CFAP53: variants seen among roughly 807,000 people sequenced by gnomAD.
CFAP53 encodes the protein cilia- and flagella-associated protein 53.
A neutral mutation model predicts 59.7 loss-of-function variants in CFAP53; 62 were observed. That is an observed-to-expected ratio of 1.04 (90% CI 0.85 to 1.28). The LOEUF is 1.28. Ranked by LOEUF, CFAP53 falls within the 50% of genes most tolerant of loss-of-function variation. CFAP53 has a pLI of 0.00. For synonymous variants in CFAP53, 218 were observed against 205.7 expected (o/e 1.06, Z -0.51); for missense variants, 629 against 615.6 (o/e 1.02, Z -0.23).
At chr18:50,230,804 GA>G (rs1482926884) in intron 7 of CFAP53, among the ~76,000 whole-genome samples, 2 of 152,162 alleles carry the variant, frequency 1.3e-5, no homozygotes, top group African/African-American at 4.8e-5. Flanking sequence ...GTTGGGGTCA[GA>G]AAACACTCCA....
chr18:50,252,447 A>G (rs2033810384), intron 3 of CFAP53, among the ~76,000 whole-genome samples: 1 of 152,034 alleles, frequency 6.6e-6, no homozygotes, highest in South Asian at 2.1e-4. Context: ...TCTGTCGCTC[A>G]GGCTGGAATG....
chr18:50,251,867 A>G, intron 3 of CFAP53, 83 bp from the exon 4 acceptor site: 3 of 1,226,276 alleles, frequency 2.4e-6, no homozygotes, highest in Non-Finnish European at 3.4e-6. Flanking sequence ...ACAATCACAC[A>G]ATGAAGCAAG....
rs1374594438 is a variant in CFAP53 at position 50,227,203 on chromosome 18, T to TA, written c.*177dup. ...AGATTAAGTAGATCATTTGGATTTGTAAGTCTGTGAACTCCAAAATAGGCA... is the reference window on the plus strand; with the variant it reads ...AGATTAAGTAGATCATTTGGATTTGTAAAGTCTGTGAACTCCAAAATAGGCA... On this transcript the variant is annotated 3_prime_UTR_variant, in exon 8 of 8. Coordinates refer to ENST00000398545, the MANE Select transcript of CFAP53 (RefSeq NM_145020.5). The TA allele has an allele frequency of 1.2e-5, 7 of 573,590 alleles. No individual in the cohort carries two copies. The highest frequency in any genetic ancestry group is 2.1e-5 in the Non-Finnish European group (7 of 325,790). 35.5% of individuals were successfully genotyped at this position (573,590 alleles called of 1,614,324 possible).
chr18:50,227,546 C>T lies in CFAP53; in HGVS notation c.1380G>A (p.Gln460=), dbSNP rs1222501403. Residue 460 remains glutamine (Q), a synonymous_variant, in exon 8 of 8, where the codon CAG becomes CAA. Transcript: ENST00000398545. ...QLQMQIAYQQ[Q]SQEAEKEEKR... is the part of the protein sequence containing the mutation. The stretch of plus-strand genomic sequence containing the variant: ...TCTCTTCCTTCTCTGCTTCTTGGGA[C>T]TGCTGCTGGTAGGCGATTTGCATCT... The T allele has an allele frequency of 6.2e-7, 1 of 1,614,052 alleles. No individual in the cohort carries two copies. The highest frequency in any genetic ancestry group is 2.2e-5 in the East Asian group (1 of 44,900).
At chr18:50,232,412 A>T (rs2033591910) in intron 7 of CFAP53, among the ~76,000 whole-genome samples, 1 of 152,238 alleles carries the variant, frequency 6.6e-6, no homozygotes, top group East Asian at 1.9e-4. Flanking sequence ...GAGGCAAGAG[A>T]CAGGCTCAAC....
intron 7 of CFAP53, among the ~76,000 whole-genome samples, chr18:50,235,266 T>C (rs1599114308): frequency 6.6e-6 from 1 of 152,192 alleles, no homozygotes; most frequent in African/African-American, 2.4e-5. Flanking sequence ...TTCTCCCATC[T>C]ATAATAAAGC....
intron 3 of CFAP53, 29 bp from the exon 4 acceptor site, chr18:50,251,813 C>A: frequency 6.3e-7 from 1 of 1,595,786 alleles, no homozygotes; most frequent in Non-Finnish European, 8.6e-7. Context: ...AAAGACAAAA[C>A]CCAGCCTTTC....
At chr18:50,230,679 C>T (rs1047013701) in intron 7 of CFAP53, among the ~76,000 whole-genome samples, 2 of 152,170 alleles carry the variant, frequency 1.3e-5, no homozygotes, top group Non-Finnish European at 2.9e-5. Context: ...GGCAGCAGTT[C>T]TGTGGGACTA....
chr18:50,255,775 G>A (rs533306575), intron 3 of CFAP53, among the ~76,000 whole-genome samples: 22 of 151,664 alleles, frequency 1.5e-4, no homozygotes, highest in African/African-American at 4.6e-4. Context: ...TCTATTCATC[G>A]TAGATTTATT....
chr18:50,233,868 C>G (rs1171124539), intron 7 of CFAP53, among the ~76,000 whole-genome samples: 1 of 152,204 alleles, frequency 6.6e-6, no homozygotes, highest in Non-Finnish European at 1.5e-5. Flanking sequence ...ACCATTTACA[C>G]ACACACCAAA....
At chr18:50,257,712 T>G (rs767882383) in intron 3 of CFAP53, among the ~76,000 whole-genome samples, 11 of 152,112 alleles carry the variant, frequency 7.2e-5, no homozygotes, top group Non-Finnish European at 1.5e-4. Context: ...CAAAACGCAA[T>G]CCCTATGAAA....
chr18:50,231,528 G>A (rs376915052), intron 7 of CFAP53, among the ~76,000 whole-genome samples: 8 of 152,214 alleles, frequency 5.3e-5, no homozygotes, highest in East Asian at 1.9e-4. Context: ...GGGACTGAAA[G>A]GTATCCGTGT....
intron 1 of CFAP53, among the ~76,000 whole-genome samples, chr18:50,266,007 TG>T (rs2033961235): frequency 6.6e-6 from 1 of 152,104 alleles, no homozygotes; most frequent in Admixed American, 6.6e-5. Flanking sequence ...CGCCACTGCA[TG>T]GGGGACAGAC....
At chr18:50,261,402 G>A (rs2033893007) in intron 2 of CFAP53, among the ~76,000 whole-genome samples, 165 bp from the exon 3 acceptor site, 1 of 151,842 alleles carries the variant, frequency 6.6e-6, no homozygotes, top group Non-Finnish European at 1.5e-5. Context: ...TTTTGTTTTT[G>A]TTTTTGTTTT....
At chr18:50,227,991 G>A (rs1188411581) in intron 7 of CFAP53, among the ~76,000 whole-genome samples, 10 of 115,440 alleles carry the variant, frequency 8.7e-5, no homozygotes, top group Admixed American at 1.2e-4. Flanking sequence ...ACGGAGTCTC[G>A]CTCTGTCACC....
rs146932071 is a variant in CFAP53, at chr18:50,264,901, A to G, written c.69+1435T>C. On this transcript the variant is annotated intron_variant, in intron 1 of 7. Transcript: ENST00000398545. ...TTCATGAAGTGTGTTTATAATTATC[A>G]CCTTGAACCCTACAGCCTACTTATG... Among the ~76,000 whole-genome samples the G allele has an allele frequency of 6.5e-4, 99 of 152,218 alleles. No homozygotes were observed. In the Middle Eastern group the frequency reaches 0.01, roughly 16 times the overall value.
chr18:50,238,804 A>G (rs2033661487), intron 6 of CFAP53, 99 bp from the exon 7 acceptor site: 2 of 795,218 alleles, frequency 2.5e-6, no homozygotes, highest in Non-Finnish European at 4.0e-6. Context: ...AGAAAGGCAG[A>G]GCTTAGAATC....
intron 7 of CFAP53, among the ~76,000 whole-genome samples, chr18:50,227,955 C>CTGTTTTT (rs1555670707): frequency 1.1e-5 from 1 of 90,090 alleles, no homozygotes; most frequent in African/African-American, 4.4e-5. Context: ...AACTTTTCTC[C>CTGTTTTT]TTTTTTTTTT....
intron 1 of CFAP53, among the ~76,000 whole-genome samples, chr18:50,265,615 A>G (rs149307528): frequency 4.9e-4 from 75 of 152,346 alleles, no homozygotes; most frequent in African/African-American, 1.6e-3. Context: ...GGCTCAAGCA[A>G]TAACTCTGCC....
Sources: gnomAD v4.1 joint callset for allele counts (sites outside exome capture counted in the v4.1 genomes callset) on GRCh38, gnomAD v4.1.1 for gene constraint, MANE v1.5 for transcripts, NCBI Gene and HGNC (gene_info 2026-07-23, HGNC 2026-07-21) for gene names.